The following RYR1 variants were observed in gnomAD, a reference collection of about 807,000 sequenced individuals.
The protein encoded by RYR1 is central core disease of muscle.
Under a neutral mutation model 583.5 loss-of-function variants are expected in RYR1, and 342 were observed. The ratio of observed to expected loss-of-function variants is 0.59; its 90% CI spans 0.54 to 0.64. RYR1 has a LOEUF of 0.64. RYR1 is among the 30% of genes least tolerant of loss of function. RYR1 has a pLI of 0.00. For missense variants in RYR1, 6,032 were observed against 6,917.2 expected, an observed-to-expected ratio of 0.87 and a Z score of 4.54; for synonymous variants, 2,791 against 2,822.5, an observed-to-expected ratio of 0.99 and a Z score of 0.35.
At chr19:38,507,877 T>C (rs370186758) in intron 58 of RYR1, 50 bp downstream of exon 58, 372 of 1,158,102 alleles carry the variant, frequency 3.2e-4, no homozygotes, top group Non-Finnish European at 4.7e-4. Flanking sequence ...CAGACACCAG[T>C]TCTGCAGACC....
At chr19:38,520,158 C>T (rs952159159) in intron 67 of RYR1, among the ~76,000 whole-genome samples, 3 of 150,432 alleles carry the variant, frequency 2.0e-5, no homozygotes, top group Non-Finnish European at 4.4e-5. Context: ...TTGCTGCAGC[C>T]TCGGTTCCTG....
At position 38,512,354 on chromosome 19, in the gene RYR1, G is replaced by T; in HGVS notation, c.9343G>T (p.Val3115Leu). The T allele has an allele frequency of 6.2e-7, 1 of 1,614,190 alleles. No homozygotes were observed. The highest frequency in any genetic ancestry group is 8.5e-7 in the Non-Finnish European group (1 of 1,180,052). ...KMVENLRLGK[V>L]SQARTQVKGV... ...GGTGGAGAACCTGCGGCTGGGCAAG[G>T]TGTCGCAGGCGCGCACCCAGGTGAA... The change falls in exon 63 of 106, where the codon GTG becomes TTG. Residue 3115 changes from valine (V) to leucine (L), a missense_variant. Physicochemically the swap from Val to Leu is conservative, Grantham distance 32. This residue lies in a region of RYR1 where 1,493 missense variants were observed against 1,715.5 expected (regional missense o/e 0.87). Transcript: ENST00000359596. The surrounding 1 kb of genome is among the most constrained non-coding windows in gnomAD (Gnocchi z 5.1).
chr19:38,463,600 G>A lies in RYR1; in HGVS notation c.2682+73G>A, dbSNP rs190617867. 6.4e-4 allele frequency: 976 copies of A among 1,513,440 alleles called. 4 individuals carry two copies. The African/African-American group carries it at 8.3e-3, about 13-fold the overall frequency. 93.8% of individuals were successfully genotyped at this position (1,513,440 alleles called of 1,614,324 possible). ...CCAGGAGGGAGAGCGGCTCACCGGC[G>A]GAGAGGAGGGAGGGACCACAGGGCA... is the stretch of plus-strand genomic sequence containing the variant. On this transcript the variant is annotated intron_variant, in intron 21 of 105. Coordinates refer to ENST00000359596, the MANE Select transcript of RYR1 (RefSeq NM_000540.3).
chr19:38,468,008 T>C (rs1023268844), intron 25 of RYR1, 196 bp downstream of exon 25: 7 of 615,764 alleles, frequency 1.1e-5, no homozygotes, highest in Non-Finnish European at 2.0e-5. Context: ...CAGACATCCA[T>C]CTATCCAACC....
chr19:38,572,696 C>T (rs1756345499), intron 95 of RYR1, among the ~76,000 whole-genome samples: 1 of 152,036 alleles, frequency 6.6e-6, no homozygotes, highest in Admixed American at 6.6e-5. Flanking sequence ...CAGGTGGCAT[C>T]AGGCACCACT....
intron 89 of RYR1, among the ~76,000 whole-genome samples, chr19:38,550,376 G>T (rs1972614922): frequency 6.6e-6 from 1 of 152,152 alleles, no homozygotes; most frequent in African/African-American, 2.4e-5. Flanking sequence ...ATGTCGTTCA[G>T]TGTGGGTTTG....
Position 38,499,516 on chromosome 19 carries a change from G to A in RYR1, c.7028-119G>A. The A allele has an allele frequency of 2.4e-6, 3 of 1,226,394 alleles. No individual in the cohort carries two copies. Among genetic ancestry groups the A allele is most frequent in the African/African-American group, 3.0e-5 (2 of 66,944 alleles). 76.0% of individuals were successfully genotyped at this position (1,226,394 alleles called of 1,614,324 possible). A position where few individuals can be genotyped will look rare whatever the true frequency, so the allele number is the denominator to read the frequency against. On this transcript the variant is annotated intron_variant, in intron 43 of 105. Transcript: ENST00000359596. The surrounding 1 kb of genome is among the most constrained non-coding windows in gnomAD (Gnocchi z 7.3). ...GGGGCCTGGTGTTACCTCTGGAGGT[G>A]TTGGGTCCTGGAGCTGGATGGGACC...
At chr19:38,569,956 G>A (rs1297740268) in intron 93 of RYR1, among the ~76,000 whole-genome samples, 2 of 152,186 alleles carry the variant, frequency 1.3e-5, no homozygotes, top group African/African-American at 4.8e-5. Flanking sequence ...CTGAGGTCAG[G>A]AGTTTGAGAC....
intron 89 of RYR1, among the ~76,000 whole-genome samples, chr19:38,560,122 G>T (rs1395591791): frequency 6.6e-6 from 1 of 152,162 alleles, no homozygotes; most frequent in Non-Finnish European, 1.5e-5. Context: ...CCAACACTTT[G>T]GGAGGCGGAG....
chr19:38,501,229 G>T (rs1468347794), intron 47 of RYR1, among the ~76,000 whole-genome samples: 3 of 152,214 alleles, frequency 2.0e-5, no homozygotes, highest in Non-Finnish European at 4.4e-5. Context: ...GTCAGGCGTG[G>T]TGACTCGCGC....
At chr19:38,568,501 C>T (rs1316587154) in intron 93 of RYR1, among the ~76,000 whole-genome samples, 7 of 149,676 alleles carry the variant, frequency 4.7e-5, no homozygotes, top group Non-Finnish European at 7.4e-5. Context: ...CTTGGGAGGC[C>T]GAGGCAGGCG....
At chr19:38,452,797 G>A in intron 12 of RYR1, 22 bp from the exon 13 acceptor site, 1 of 1,559,504 alleles carries the variant, frequency 6.4e-7, no homozygotes, top group Non-Finnish European at 8.7e-7. Context: ...AGCCGTGGCT[G>A]ACAGCTGCGA....
At position 38,467,783 on chromosome 19, in the gene RYR1, G is replaced by A. The variant is rs578234912; in HGVS notation, c.3352G>A (p.Glu1118Lys). 7.1e-5 allele frequency: 115 copies of A among 1,614,144 alleles called. No homozygotes were observed. The highest frequency in any genetic ancestry group is 5.0e-4 in the Middle Eastern group (3 of 6,060). The change falls in exon 25 of 106, where the codon GAG becomes AAG. Residue 1118 changes from glutamate (E) to lysine (K), a missense_variant. By Grantham distance (56) the Glu-to-Lys change is moderately conservative. This residue lies in a region of RYR1 where 2,627 missense variants were observed against 2,961.3 expected (regional missense o/e 0.89). Transcript: ENST00000359596. ...LRPDVELGADELAYVFNGHRG... is the reference protein window; with the variant it reads ...LRPDVELGADKLAYVFNGHRG... Reference sequence around the variant, plus strand: ...GCCTGATGTAGAGCTGGGAGCTGACGAGCTGGCCTATGTCTTCAATGGGCA... The same window carrying A: ...GCCTGATGTAGAGCTGGGAGCTGACAAGCTGGCCTATGTCTTCAATGGGCA...
At chr19:38,460,254 G>A (rs878893100) in intron 19 of RYR1, 121 bp from the exon 20 acceptor site, 5 of 879,504 alleles carry the variant, frequency 5.7e-6, no homozygotes, top group African/African-American at 4.9e-5. Flanking sequence ...TGACTGCCCG[G>A]TGACCTTTGG....
At chr19:38,448,215 T>G (rs1966888976) in intron 9 of RYR1, 140 bp from the exon 10 acceptor site, 4 of 960,386 alleles carry the variant, frequency 4.2e-6, no homozygotes, top group Admixed American at 4.5e-5. Flanking sequence ...GAGGATTGCT[T>G]GAGCCCTGGA....
rs752584026 is a variant in RYR1 at position 38,455,278 on chromosome 19, T to C, written c.1484T>C (p.Val495Ala). 2 of 1,614,092 alleles carry C rather than the reference T, an allele frequency of 1.2e-6. No homozygotes were observed. The highest frequency in any genetic ancestry group is 1.7e-6 in the Non-Finnish European group (2 of 1,180,016). ...CTGAATTGCATAGACCGCCTAAATG[T>C]CTACACCACTGCTGCCCACTTTGCT... ...MVLNCIDRLN[V>A]YTTAAHFAEF... The change falls in exon 14 of 106, where the codon GTC becomes GCC. Residue 495 changes from valine to alanine, a missense_variant. Transcript: ENST00000359596.
chr19:38,549,875 TTGTGTGTGTGTGTGTGTGTGTGTG>T (rs150566334), intron 89 of RYR1, among the ~76,000 whole-genome samples: 8 of 122,186 alleles, frequency 6.5e-5, no homozygotes, highest in African/African-American at 1.6e-4. Flanking sequence ...CCAGCTAAAT[TTGTGTGTGTGTGTGTGTGTGTGTG>T]TGTGTGTGTG....
At position 38,444,591 on chromosome 19, in the gene RYR1, C is replaced by T. The variant is rs774285690; in HGVS notation, c.545C>T (p.Ser182Leu). The T allele has an allele frequency of 3.7e-6, 6 of 1,613,636 alleles. No individual in the cohort carries two copies. The highest frequency in any genetic ancestry group is 3.4e-6 in the Non-Finnish European group (4 of 1,179,814). The change falls in exon 7 of 106, where the codon TCG becomes TTG. Residue 182 changes from serine (S) to leucine (L), a missense_variant. Ser to Leu is a moderately radical substitution (Grantham distance 145). Coordinates refer to ENST00000359596, the MANE Select transcript of RYR1 (RefSeq NM_000540.3). The surrounding 1 kb of genome is among the most constrained non-coding windows in gnomAD (Gnocchi z 5.1). ...SVSSERYLHL[S>L]TASGELQVDA... ...CATCCTGGTGGCCCCCAGCACCTGTCGACCGCCAGTGGGGAGCTCCAGGTT... is the reference window on the plus strand; with the variant it reads ...CATCCTGGTGGCCCCCAGCACCTGTTGACCGCCAGTGGGGAGCTCCAGGTT...
Position 38,512,463 on chromosome 19 carries a change from A to G in RYR1, c.9452A>G (p.Gln3151Arg). 1.2e-6 allele frequency: 2 copies of G among 1,612,586 alleles called. No homozygotes were observed. Among genetic ancestry groups the G allele is most frequent in the Non-Finnish European group, 1.7e-6 (2 of 1,180,028 alleles). Reference sequence around the variant, plus strand: ...CTCTTCCAGCACATCGCCCAGCACCAGTTCGGAGATGACGTCATCCGTAAG... The same window carrying G: ...CTCTTCCAGCACATCGCCCAGCACCGGTTCGGAGATGACGTCATCCGTAAG... ...TTLFQHIAQH[Q>R]FGDDVILDDV... The change falls in exon 63 of 106, where the codon CAG (glutamine) becomes CGG (arginine). Residue 3151 changes from glutamine (Q) to arginine (R), a missense_variant. Physicochemically the swap from Gln to Arg is conservative, Grantham distance 43. Transcript: ENST00000359596. This position sits in a 1 kb window ranked among gnomAD's most constrained non-coding sequence, Gnocchi z 5.1.
Sources: gnomAD v4.1 joint callset for allele counts (sites outside exome capture counted in the v4.1 genomes callset) on GRCh38, gnomAD v4.1.1 for gene constraint, gnomAD v4.1.1 regional missense constraint, Gnocchi (gnomAD v3.1) non-coding constraint, MANE v1.5 for transcripts, NCBI Gene and HGNC (gene_info 2026-07-23, HGNC 2026-07-21) for gene names.